SLC25A18: variants seen among roughly 807,000 people sequenced by gnomAD.
SLC25A18 encodes mitochondrial glutamate carrier 2.
A neutral mutation model predicts 31.1 loss-of-function variants in SLC25A18; 24 were observed. The ratio of observed to expected loss-of-function variants is 0.77; its 90% CI spans 0.56 to 1.08. The LOEUF (loss-of-function observed/expected upper bound fraction) is 1.08. SLC25A18 is among the 50% of genes least tolerant of loss of function. The pLI is 0.00. For missense variants in SLC25A18, 371 were observed against 418.5 expected (o/e 0.89, Z 0.99); for synonymous variants, 173 against 161.9 (o/e 1.07, Z -0.52).
intron 9 of SLC25A18, chr22:17,589,338 C>T (rs917439863): frequency 3.9e-5 from 14 of 362,724 alleles, no homozygotes; most frequent in East Asian, 1.4e-4. Context: ...GCGCCACGCC[C>T]GGCTCATTTT....
At chr22:17,584,465 G>GAAAGAAAGAAAGAA (rs2057477888) in intron 7 of SLC25A18, among the ~76,000 whole-genome samples, 1 of 137,282 alleles carries the variant, frequency 7.3e-6, no homozygotes, top group African/African-American at 3.0e-5. Context: ...GAGAGAGAGA[G>GAAAGAAAGAAAGAA]AGAGAGAAAG....
intron 3 of SLC25A18, 36 bp from the exon 4 acceptor site, chr22:17,581,001 T>C: frequency 6.6e-7 from 1 of 1,519,930 alleles, no homozygotes; most frequent in East Asian, 2.5e-5. Context: ...CCCCTCCCTC[T>C]GCCTCTCTCC....
At chr22:17,578,904 A>C (rs2057299208) in intron 2 of SLC25A18, among the ~76,000 whole-genome samples, 1 of 152,116 alleles carries the variant, frequency 6.6e-6, no homozygotes, top group Non-Finnish European at 1.5e-5. Flanking sequence ...CCATCTCAAA[A>C]AAATAGCAGG....
intron 1 of SLC25A18, among the ~76,000 whole-genome samples, chr22:17,568,555 CTTTTTTTT>C (rs695361): frequency 6.4e-5 from 4 of 62,534 alleles, no homozygotes; most frequent in South Asian, 7.5e-4. Flanking sequence ...TAAAGTACAT[CTTTTTTTT>C]TTTTTTTTTT....
chr22:17,587,892 C>T (rs368478791), intron 8 of SLC25A18, 33 bp from the exon 9 acceptor site: 173 of 1,613,406 alleles, frequency 1.1e-4, no homozygotes, highest in Admixed American at 3.0e-4. Flanking sequence ...CAGGGCAGCT[C>T]GGAGCTCAGT....
At chr22:17,587,723 G>A in intron 8 of SLC25A18, 1 of 631,470 alleles carries the variant, frequency 1.6e-6, no homozygotes, top group Non-Finnish European at 2.7e-6. Context: ...AGAGGAAGGA[G>A]CTGGGACGGC....
At chr22:17,580,849 C>T in intron 3 of SLC25A18, 188 bp from the exon 4 acceptor site, 3 of 1,322,256 alleles carry the variant, frequency 2.3e-6, no homozygotes, top group South Asian at 2.3e-5. Flanking sequence ...AGCAAGATGC[C>T]TCACCCGGGT....
rs565350252 is a variant in SLC25A18, at chr22:17,569,685, T to A, written c.-263-239T>A. 30 of 985,408 alleles carry A rather than the reference T, an allele frequency of 3.0e-5. No individual in the cohort carries two copies. The South Asian group carries it at 1.4e-3, about 45-fold the overall frequency. The allele number at this position is 985,408 out of a possible 1,614,324, so 61.0% of individuals were successfully genotyped here. Reference sequence around the variant, plus strand: ...TCCCAGCCTGGACTTTTTGTCCGAGTCATACTAGCCACCAAGTAAACAGCA... The same window carrying A: ...TCCCAGCCTGGACTTTTTGTCCGAGACATACTAGCCACCAAGTAAACAGCA... On this transcript the variant is annotated intron_variant, in intron 1 of 10. Transcript: ENST00000327451.
rs535202097 is a variant in SLC25A18, at chr22:17,577,183, C to T, written c.-200-2562C>T. On this transcript the variant is annotated intron_variant, in intron 2 of 10. Coordinates refer to ENST00000327451, the MANE Select transcript of SLC25A18 (RefSeq NM_031481.3). ...GACGACAGGCGCCCACCACCACACC[C>T]GGCCAATTTTTTGTATTTTTAGTAG... Among the ~76,000 whole-genome samples the T allele has an allele frequency of 2.0e-5, 3 of 152,258 alleles. No individual in the cohort carries two copies. The South Asian group carries it at 6.2e-4, about 32-fold the overall frequency.
At chr22:17,588,207 C>T (rs933178044) in intron 9 of SLC25A18, 128 bp downstream of exon 9, 2 of 1,072,684 alleles carry the variant, frequency 1.9e-6, no homozygotes, top group Non-Finnish European at 2.7e-6. Flanking sequence ...CACTAGAGGC[C>T]CTCATGGAGA....
At chr22:17,578,090 T>G (rs1051198379) in intron 2 of SLC25A18, among the ~76,000 whole-genome samples, 5 of 150,848 alleles carry the variant, frequency 3.3e-5, no homozygotes, top group African/African-American at 1.2e-4. Flanking sequence ...CCTCAAATAA[T>G]CCTCCCATCT....
chr22:17,585,806 G>A (rs911258592), intron 7 of SLC25A18, among the ~76,000 whole-genome samples: 4 of 151,344 alleles, frequency 2.6e-5, no homozygotes, highest in Non-Finnish European at 4.4e-5. Context: ...GCACTACCAC[G>A]TCCAGCTAAT....
chr22:17,577,093 G>A (rs528714299), intron 2 of SLC25A18, among the ~76,000 whole-genome samples: 1 of 152,222 alleles, frequency 6.6e-6, no homozygotes, highest in Non-Finnish European at 1.5e-5. Flanking sequence ...CACCATCTCG[G>A]CTCACTGCAA....
chr22:17,565,635 A>G (rs1411013622), intron 1 of SLC25A18, among the ~76,000 whole-genome samples: 1 of 151,548 alleles, frequency 6.6e-6, no homozygotes, highest in East Asian at 2.0e-4. Flanking sequence ...TGGGAGGCCG[A>G]GGCAGGCAGA....
intron 1 of SLC25A18, chr22:17,569,533 C>A: frequency 1.2e-6 from 1 of 834,564 alleles, no homozygotes; most frequent in Non-Finnish European, 1.4e-6. Flanking sequence ...TTGCTTCTGG[C>A]ACCAAATGTC....
intron 1 of SLC25A18, chr22:17,569,618 G>A: frequency 1.0e-6 from 1 of 985,420 alleles, no homozygotes; most frequent in Non-Finnish European, 1.2e-6. Flanking sequence ...TGAGTGGGCG[G>A]TGAATCTCCC....
rs137914103 is a variant in SLC25A18 at position 17,588,155 on chromosome 22, T to C, written c.730+76T>C. 9.7e-6 allele frequency: 15 copies of C among 1,551,648 alleles called. No homozygotes were observed. The African/African-American group carries it at 1.8e-4, about 18-fold the overall frequency. The stretch of plus-strand genomic sequence containing the variant: ...ACTTATAGATAAAACAGCCTGACCC[T>C]GGAAGCCATACTGGGTTGCAATCTG... On this transcript the variant is annotated intron_variant, in intron 9 of 10. Coordinates refer to ENST00000327451, the MANE Select transcript of SLC25A18 (RefSeq NM_031481.3).
intron 4 of SLC25A18, 78 bp downstream of exon 4, chr22:17,581,237 C>A (rs1293952479): frequency 1.3e-6 from 2 of 1,571,170 alleles, no homozygotes; most frequent in African/African-American, 2.7e-5. Context: ...AGTCTCCAGG[C>A]AGCGCGCGTG....
chr22:17,587,846 C>T (rs76495657), intron 8 of SLC25A18, 79 bp from the exon 9 acceptor site: 2 of 1,585,834 alleles, frequency 1.3e-6, no homozygotes, highest in Non-Finnish European at 1.7e-6. Context: ...CCACAGCTCA[C>T]AGCAAAGCTC....
Sources: allele counts gnomAD v4.1 joint callset (sites outside exome capture counted in the v4.1 genomes callset), GRCh38; gene constraint gnomAD v4.1.1; transcripts MANE v1.5; gene names NCBI Gene and HGNC (gene_info 2026-07-23, HGNC 2026-07-21).